Variants in SMAP1 observed in about 807,000 individuals in gnomAD.
SMAP1 encodes stromal membrane-associated protein 1.
Under a neutral mutation model 58.5 loss-of-function variants are expected in SMAP1, and 24 were observed. The ratio of observed to expected loss-of-function variants is 0.41; its 90% CI spans 0.30 to 0.58. The LOEUF (loss-of-function observed/expected upper bound fraction) is 0.58. Ranked by LOEUF, SMAP1 falls within the 20% of genes least tolerant of loss-of-function variation. The probability of loss-of-function intolerance (pLI) is 0.29; values close to 1 mark genes in which losing one functional copy is unlikely to be tolerated. For synonymous variants in SMAP1, 216 were observed against 196.6 expected (o/e 1.10, Z -0.82); for missense variants, 563 against 566.3 (o/e 0.99, Z 0.06).
At chr6:70,769,472 C>G (rs1419868201) in intron 3 of SMAP1, among the ~76,000 whole-genome samples, 3 of 152,158 alleles carry the variant, frequency 2.0e-5, no homozygotes, top group Admixed American at 2.0e-4. Context: ...ATAGTTAGCT[C>G]TTCTTGTTGA....
chr6:70,764,069 T>C (rs994556427), intron 3 of SMAP1, among the ~76,000 whole-genome samples: 14 of 151,710 alleles, frequency 9.2e-5, no homozygotes, highest in African/African-American at 3.4e-4. Flanking sequence ...CACACTACCA[T>C]GCCCAGCTAA....
intron 6 of SMAP1, among the ~76,000 whole-genome samples, chr6:70,814,034 A>G (rs1451836044): frequency 6.6e-6 from 1 of 152,186 alleles, no homozygotes; most frequent in East Asian, 1.9e-4. Context: ...CTCCACTAAC[A>G]TGGGAGGCAT....
chr6:70,696,664 A>C (rs547489993), intron 1 of SMAP1, among the ~76,000 whole-genome samples: 1 of 152,334 alleles, frequency 6.6e-6, no homozygotes, highest in East Asian at 1.9e-4. Context: ...GGCCCAGCAT[A>C]TAGTCTATCC....
chr6:70,853,739 G>C (rs943866436), intron 8 of SMAP1, among the ~76,000 whole-genome samples: 1 of 152,126 alleles, frequency 6.6e-6, no homozygotes, highest in African/African-American at 2.4e-5. Context: ...ACATAAAAAA[G>C]AGAATATTGT....
At chr6:70,817,119 AAT>A (rs374628204) in intron 6 of SMAP1, among the ~76,000 whole-genome samples, 291 of 146,310 alleles carry the variant, frequency 2.0e-3, no homozygotes, top group African/African-American at 5.3e-3. Flanking sequence ...ACTGTATTAG[AAT>A]ATATATATAT....
intron 1 of SMAP1, among the ~76,000 whole-genome samples, chr6:70,699,232 C>G (rs1243903710): frequency 6.6e-6 from 1 of 152,182 alleles, no homozygotes; most frequent in Non-Finnish European, 1.5e-5. Context: ...TGTTTTCTTC[C>G]CTTACTTTCC....
At chr6:70,671,545 T>C (rs1349784954) in intron 1 of SMAP1, among the ~76,000 whole-genome samples, 1 of 152,136 alleles carries the variant, frequency 6.6e-6, no homozygotes, top group Non-Finnish European at 1.5e-5. Context: ...GCCACTGTAC[T>C]CCAGCCTGGG....
chr6:70,855,118 T>G (rs1771357675), intron 8 of SMAP1, among the ~76,000 whole-genome samples: 2 of 80,036 alleles, frequency 2.5e-5, no homozygotes, highest in Non-Finnish European at 5.4e-5. Flanking sequence ...ATACCAACAG[T>G]ACCTAGACAT....
chr6:70,748,467 A>G (rs1334471600), intron 2 of SMAP1, among the ~76,000 whole-genome samples: 2 of 152,146 alleles, frequency 1.3e-5, no homozygotes, highest in South Asian at 2.1e-4. Flanking sequence ...GGAAAAATGC[A>G]TGGTAAATAA....
intron 7 of SMAP1, among the ~76,000 whole-genome samples, chr6:70,844,062 T>TG (rs576033113): frequency 1.2e-4 from 19 of 152,332 alleles, no homozygotes; most frequent in African/African-American, 4.6e-4. Context: ...AAGCATGGTC[T>TG]GTGGCCTCTG....
intron 2 of SMAP1, among the ~76,000 whole-genome samples, chr6:70,748,484 T>A (rs1766139520): frequency 6.6e-6 from 1 of 152,116 alleles, no homozygotes; most frequent in Non-Finnish European, 1.5e-5. Context: ...ATAAATGCCA[T>A]ATTTATGCTT....
At chr6:70,816,785 A>T (rs1769647688) in intron 6 of SMAP1, among the ~76,000 whole-genome samples, 1 of 152,236 alleles carries the variant, frequency 6.6e-6, no homozygotes, top group South Asian at 2.1e-4. Flanking sequence ...CCAAAAGCCT[A>T]AAATATTATT....
chr6:70,685,100 A>C (rs1766880297), intron 1 of SMAP1, among the ~76,000 whole-genome samples: 1 of 152,086 alleles, frequency 6.6e-6, no homozygotes, highest in South Asian at 2.1e-4. Flanking sequence ...TTGATAAATG[A>C]GTAGGTGTTT....
Position 70,719,495 on chromosome 6 carries a change from T to G in SMAP1, c.119-12883T>G, listed in dbSNP as rs147191837. ...CCACACTTATTCTCTTTGTCCTTTA[T>G]ATATGTGTACAAACACACCCATTTC... On this transcript the variant is annotated intron_variant, in intron 1 of 10. Coordinates refer to ENST00000370455, the MANE Select transcript of SMAP1 (RefSeq NM_001044305.3). Among the ~76,000 whole-genome samples, 455 of 152,318 alleles carry G rather than the reference T, an allele frequency of 3.0e-3. 3 individuals carry two copies. Among genetic ancestry groups the G allele is most frequent in the African/African-American group, 0.01 (424 of 41,574 alleles).
intron 1 of SMAP1, among the ~76,000 whole-genome samples, chr6:70,725,236 T>G (rs569279767): frequency 6.6e-6 from 1 of 150,516 alleles, no homozygotes; most frequent in Non-Finnish European, 1.5e-5. Context: ...CCTGCCTCAG[T>G]CTCCCGAGTA....
intron 1 of SMAP1, among the ~76,000 whole-genome samples, chr6:70,674,010 T>C (rs1427232419): frequency 6.6e-6 from 1 of 152,194 alleles, no homozygotes; most frequent in Non-Finnish European, 1.5e-5. Context: ...TATATCTTTC[T>C]CCACCTTTAT....
At chr6:70,792,146 A>G (rs1171361137) in intron 5 of SMAP1, among the ~76,000 whole-genome samples, 1 of 152,168 alleles carries the variant, frequency 6.6e-6, no homozygotes, top group East Asian at 1.9e-4. Flanking sequence ...TTTTTTAAGC[A>G]ATAGTAAACA....
intron 6 of SMAP1, among the ~76,000 whole-genome samples, chr6:70,820,706 GAAA>G (rs766717489): frequency 7.5e-6 from 1 of 133,220 alleles, no homozygotes; most frequent in Non-Finnish European, 1.6e-5. Flanking sequence ...CTCCATCTCG[GAAA>G]AAAAAAAAAA....
chr6:70,818,077 C>G (rs1057251868), intron 6 of SMAP1, among the ~76,000 whole-genome samples: 19 of 152,036 alleles, frequency 1.2e-4, no homozygotes, highest in Non-Finnish European at 2.9e-5. Context: ...TTTCTAAATT[C>G]TACTTTTGAA....
Sources: gnomAD v4.1 joint callset for allele counts (sites outside exome capture counted in the v4.1 genomes callset) on GRCh38, gnomAD v4.1.1 for gene constraint, MANE v1.5 for transcripts, NCBI Gene and HGNC (gene_info 2026-07-23, HGNC 2026-07-21) for gene names.